The following CA5B variants were observed in gnomAD, a reference collection of about 807,000 sequenced individuals.
CA5B encodes the protein carbonic anhydrase 5B, mitochondrial.
In CA5B, 15 loss-of-function variants were observed where a neutral mutation model predicts 23.1. The ratio of observed to expected loss-of-function variants is 0.65; its 90% CI spans 0.43 to 1.00. CA5B has a LOEUF of 1.00. CA5B is among the 50% of genes least tolerant of loss of function. The pLI is 0.00. For missense variants in CA5B, 236 were observed against 252.2 expected (o/e 0.94, Z 0.43); for synonymous variants, 84 against 98.5 (o/e 0.85, Z 0.87).
chrX:15,762,703 C>A (rs1931628823), intron 2 of CA5B: 1 of 316,259 alleles, frequency 3.2e-6, no homozygotes, highest in East Asian at 1.0e-4. Context: ...CCATGCCCAG[C>A]CAGTGTCATC....
chrX:15,765,747 C>T (rs1931693994), intron 3 of CA5B, among the ~76,000 whole-genome samples: 1 of 109,639 alleles, frequency 9.1e-6, no homozygotes, highest in African/African-American at 3.3e-5. Flanking sequence ...TGCAGTGCGC[C>T]GGATATCCTT....
Position 15,787,888 on chromosome X carries a change from A to C in CA5B, c.*5224A>C, listed in dbSNP as rs1400234306. 8.9e-6 allele frequency: 1 copy of C among 112,644 alleles called. No individual in the cohort carries two copies. The highest frequency in any genetic ancestry group is 1.9e-5 in the Non-Finnish European group (1 of 53,360). The allele number at this position is 112,644 out of a possible 1,213,427, so 9.3% of individuals were successfully genotyped here. On this transcript the variant is annotated 3_prime_UTR_variant, in exon 8 of 8. Transcript: ENST00000318636. ...AGAATCGCTTGAGCCCAGGAGGCGG[A>C]GGTTGCAGTGAGCCGAGATTTCTTA...
At chrX:15,769,925 T>C (rs978580147) in intron 3 of CA5B, among the ~76,000 whole-genome samples, 1 of 112,285 alleles carries the variant, frequency 8.9e-6, no homozygotes, top group Non-Finnish European at 1.9e-5. Context: ...TATTACAGAT[T>C]GCTTACTACC....
intron 3 of CA5B, 176 bp downstream of exon 3, chrX:15,764,951 A>C (rs1310122252): frequency 7.2e-6 from 5 of 696,681 alleles, no homozygotes; most frequent in Non-Finnish European, 1.0e-5. Flanking sequence ...TTTTATGCAT[A>C]TTTTCTTCAA....
intron 3 of CA5B, among the ~76,000 whole-genome samples, chrX:15,770,249 G>T (rs1458536914): frequency 9.0e-6 from 1 of 111,106 alleles, no homozygotes; most frequent in Non-Finnish European, 1.9e-5. Flanking sequence ...GGGAGTTGGA[G>T]GTTGCAGTGA....
intron 1 of CA5B, among the ~76,000 whole-genome samples, chrX:15,742,728 A>C (rs1188473019): frequency 8.9e-6 from 1 of 112,497 alleles, no homozygotes; most frequent in Admixed American, 9.4e-5. Flanking sequence ...GTAAAATGTT[A>C]CTGCTCTGCT....
At chrX:15,762,735 A>T in intron 2 of CA5B, 1 of 336,433 alleles carries the variant, frequency 3.0e-6, no homozygotes, top group Non-Finnish European at 6.0e-6. Context: ...TGGTGGGGCG[A>T]GATGCAGAGG....
intron 2 of CA5B, among the ~76,000 whole-genome samples, chrX:15,758,268 G>A (rs1278931964): frequency 1.8e-5 from 2 of 111,750 alleles, no homozygotes; most frequent in Non-Finnish European, 3.8e-5. Flanking sequence ...CAAGGTGCCA[G>A]TAGATTCAGT....
chrX:15,738,755 C>A (rs142187776), intron 1 of CA5B, among the ~76,000 whole-genome samples: 4,309 of 110,998 alleles, frequency 0.039, 87 homozygotes, highest in Non-Finnish European at 0.06. Flanking sequence ...TAGCTAGAGA[C>A]GGGGGTAAGG....
intron 2 of CA5B, among the ~76,000 whole-genome samples, chrX:15,753,232 A>G (rs951267481): frequency 4.4e-5 from 5 of 112,562 alleles, no homozygotes; most frequent in Non-Finnish European, 7.5e-5. Flanking sequence ...CTTTTCGACA[A>G]CACTTGGTTT....
At chrX:15,752,065 G>A (rs982173348) in intron 2 of CA5B, among the ~76,000 whole-genome samples, 2 of 111,928 alleles carry the variant, frequency 1.8e-5, no homozygotes, top group African/African-American at 6.5e-5. Context: ...ACAGCCTCAA[G>A]AGGTCCTGAG....
intron 2 of CA5B, among the ~76,000 whole-genome samples, chrX:15,757,941 A>G (rs540189597): frequency 9.0e-6 from 1 of 111,043 alleles, no homozygotes; most frequent in African/African-American, 3.3e-5. Flanking sequence ...GAGCAATGTG[A>G]CAAAGGTGGT....
intron 2 of CA5B, among the ~76,000 whole-genome samples, chrX:15,760,396 C>G (rs933609965): frequency 1.8e-5 from 2 of 111,203 alleles, no homozygotes; most frequent in Non-Finnish European, 3.8e-5. Context: ...CCTAGATGGT[C>G]TAGTTTAGTA....
intron 2 of CA5B, among the ~76,000 whole-genome samples, chrX:15,757,086 A>C: frequency 9.2e-6 from 1 of 108,255 alleles, no homozygotes; most frequent in Non-Finnish European, 1.9e-5. Flanking sequence ...TTAAAAACCA[A>C]AGTAGATGGC....
rs997836422 is a variant in CA5B, at chrX:15,772,503, G to T, written c.348G>T (p.Lys116Asn). Residue 116 changes from lysine (K) to asparagine (N), a missense_variant, in exon 4 of 8, where the codon AAG becomes AAT. Transcript: ENST00000318636. ...TTGGATGTGCCATTTTAGTGATCAA[G>T]GGAGGACCCCTGGAACACAACTACC... The part of the protein sequence containing the change: ...FEDSTDKSVI[K>N]GGPLEHNYRL... The T allele has an allele frequency of 2.5e-6, 3 of 1,190,791 alleles. No homozygotes were observed. Among genetic ancestry groups the T allele is most frequent in the Non-Finnish European group, 3.4e-6 (3 of 878,356 alleles).
In CA5B at chrX:15,782,968, T is replaced by A. The variant is rs767937409; in HGVS notation, c.*304T>A. On this transcript the variant is annotated 3_prime_UTR_variant, in exon 8 of 8. Transcript: ENST00000318636. ...ATGATAGCTCACTGCAGCCTTGAAC[T>A]CCTAGGCTCAAGCAGTCCTCCTGCC... 3 of 216,327 alleles carry A rather than the reference T, an allele frequency of 1.4e-5. No individual in the cohort carries two copies. The South Asian group carries it at 6.7e-4, about 48-fold the overall frequency. 17.8% of individuals were successfully genotyped at this position (216,327 alleles called of 1,213,427 possible).
At chrX:15,756,328 T>C (rs1434913581) in intron 2 of CA5B, among the ~76,000 whole-genome samples, 2 of 112,403 alleles carry the variant, frequency 1.8e-5, no homozygotes, top group Non-Finnish European at 3.8e-5. Flanking sequence ...AAGCATTTAG[T>C]ACCTCTTCTG....
At chrX:15,740,428 C>T (rs1931095917) in intron 1 of CA5B, among the ~76,000 whole-genome samples, 1 of 112,382 alleles carries the variant, frequency 8.9e-6, no homozygotes, top group Non-Finnish European at 1.9e-5. Context: ...AGAGGATAGA[C>T]CTTAGGCCTG....
At chrX:15,778,449 C>G (rs1306087638) in intron 7 of CA5B, among the ~76,000 whole-genome samples, 1 of 111,820 alleles carries the variant, frequency 8.9e-6, no homozygotes, top group Non-Finnish European at 1.9e-5. Context: ...TAATTAGACT[C>G]ACAAAGTTAT....
Sources: gnomAD v4.1 joint callset for allele counts (sites outside exome capture counted in the v4.1 genomes callset) on GRCh38, gnomAD v4.1.1 for gene constraint, MANE v1.5 for transcripts, NCBI Gene and HGNC (gene_info 2026-07-23, HGNC 2026-07-21) for gene names.